Variants in L3MBTL4 observed in about 807,000 individuals in gnomAD.
L3MBTL4 encodes lethal(3)malignant brain tumor-like protein 4.
Under a neutral mutation model 84.5 loss-of-function variants are expected in L3MBTL4, and 70 were observed. The observed-to-expected ratio is 0.83, with a 90% CI of 0.68 to 1.01. L3MBTL4 has a LOEUF of 1.01. L3MBTL4 is among the 50% of genes least tolerant of loss of function. The pLI is 0.00. For synonymous variants in L3MBTL4, 274 were observed against 259.8 expected, an observed-to-expected ratio of 1.05 and a Z score of -0.52; for missense variants, 715 against 754.8, an observed-to-expected ratio of 0.95 and a Z score of 0.62.
At chr18:6,316,608 C>A (rs539101383) in intron 1 of L3MBTL4, among the ~76,000 whole-genome samples, 5 of 152,162 alleles carry the variant, frequency 3.3e-5, no homozygotes, top group African/African-American at 9.7e-5. Context: ...AGCATCCTCA[C>A]ATTAGGAGTG....
intron 16 of L3MBTL4, among the ~76,000 whole-genome samples, chr18:6,070,699 A>G (rs1357041132): frequency 6.6e-6 from 1 of 152,052 alleles, no homozygotes. Context: ...TTAGCCGGGC[A>G]TGGTGGCACA....
chr18:6,071,785 G>GAA (rs1568066890), intron 16 of L3MBTL4, among the ~76,000 whole-genome samples: 1 of 125,752 alleles, frequency 8.0e-6, no homozygotes, highest in Non-Finnish European at 1.7e-5. Flanking sequence ...AAGAAAGAAA[G>GAA]AAAGAAAGAA....
chr18:6,068,073 T>C (rs1278499577), intron 16 of L3MBTL4, among the ~76,000 whole-genome samples: 1 of 152,214 alleles, frequency 6.6e-6, no homozygotes, highest in East Asian at 1.9e-4. Context: ...CTGTAGGAGT[T>C]CCTTAAAGAG....
chr18:6,300,074 A>C (rs2050271175), intron 4 of L3MBTL4, among the ~76,000 whole-genome samples: 1 of 152,180 alleles, frequency 6.6e-6, no homozygotes, highest in Non-Finnish European at 1.5e-5. Context: ...ACTATTTCTA[A>C]GACATGAGGT....
chr18:6,244,447 T>G (rs779568984), intron 6 of L3MBTL4, 37 bp downstream of exon 6: 1 of 1,260,186 alleles, frequency 7.9e-7, no homozygotes, highest in Admixed American at 2.0e-5. Flanking sequence ...TTTCTGTCAC[T>G]AGGCAATTAG....
chr18:6,319,577 T>A (rs1332902639), intron 1 of L3MBTL4, among the ~76,000 whole-genome samples: 1 of 151,864 alleles, frequency 6.6e-6, no homozygotes, highest in Non-Finnish European at 1.5e-5. Context: ...CTAGATTAAA[T>A]CAGGAAGAAA....
At chr18:6,086,441 T>C (rs1190728445) in intron 15 of L3MBTL4, among the ~76,000 whole-genome samples, 2 of 152,180 alleles carry the variant, frequency 1.3e-5, no homozygotes, top group Non-Finnish European at 2.9e-5. Context: ...TGGCATGGCA[T>C]CCATGGGTTA....
intron 16 of L3MBTL4, among the ~76,000 whole-genome samples, chr18:6,043,081 T>A (rs1032819262): frequency 1.3e-5 from 2 of 152,172 alleles, no homozygotes; most frequent in African/African-American, 4.8e-5. Context: ...ACCCCCATTA[T>A]CCAAGTCCTG....
At chr18:6,309,775 G>A (rs148425491) in intron 3 of L3MBTL4, among the ~76,000 whole-genome samples, 40 of 152,300 alleles carry the variant, frequency 2.6e-4, no homozygotes, top group Admixed American at 7.2e-4. Context: ...ACTAAGATAG[G>A]GGGGTAACAA....
chr18:6,208,495 C>T (rs1195715793), intron 12 of L3MBTL4, among the ~76,000 whole-genome samples: 1 of 152,196 alleles, frequency 6.6e-6, no homozygotes, highest in African/African-American at 2.4e-5. Flanking sequence ...ATTAAAGCAT[C>T]TATTTGAAAT....
intron 1 of L3MBTL4, among the ~76,000 whole-genome samples, chr18:6,322,527 A>C (rs1165942348): frequency 1.3e-5 from 2 of 152,006 alleles, no homozygotes; most frequent in African/African-American, 2.4e-5. Flanking sequence ...AAAACAAACA[A>C]ACAGTATATC....
intron 1 of L3MBTL4, among the ~76,000 whole-genome samples, chr18:6,364,928 G>A (rs116699011): frequency 0.015 from 2,217 of 151,874 alleles, 57 homozygotes; most frequent in African/African-American, 0.05. Context: ...ATAGAAAAAA[G>A]ACTAGTAACC....
At chr18:6,003,022 AGT>A (rs2054283721) in intron 16 of L3MBTL4, among the ~76,000 whole-genome samples, 1 of 119,694 alleles carries the variant, frequency 8.4e-6, no homozygotes, top group African/African-American at 3.2e-5. Context: ...CCATGCAAAA[AGT>A]ATCTCTATTT....
chr18:6,191,091 G>A lies in L3MBTL4; in HGVS notation c.982-19149C>T, dbSNP rs78716667. ...AGGAAGAGAGACTAGAGGATTTTGC[G>A]TAAAGGCACAAAGATGATATGATGA... is the stretch of plus-strand genomic sequence containing the variant. On this transcript the variant is annotated intron_variant, in intron 12 of 18. Transcript: ENST00000317931. Among the ~76,000 whole-genome samples, 697 of 152,242 alleles carry A rather than the reference G, an allele frequency of 4.6e-3. 5 individuals are homozygous for A. Among genetic ancestry groups the A allele is most frequent in the African/African-American group, 0.016 (673 of 41,532 alleles).
chr18:6,138,644 C>T (rs946267738), intron 13 of L3MBTL4, among the ~76,000 whole-genome samples: 37 of 152,082 alleles, frequency 2.4e-4, no homozygotes, highest in Admixed American at 1.0e-3. Flanking sequence ...CTCTGCCTCC[C>T]GAGTTCAAGC....
chr18:6,145,864 G>T (rs2042628499), intron 13 of L3MBTL4, among the ~76,000 whole-genome samples: 1 of 152,294 alleles, frequency 6.6e-6, no homozygotes, highest in East Asian at 1.9e-4. Context: ...CTTACCTTCT[G>T]GTGCCAAAGA....
chr18:6,270,516 T>C (rs1004776627), intron 4 of L3MBTL4, among the ~76,000 whole-genome samples: 9 of 152,154 alleles, frequency 5.9e-5, no homozygotes, highest in African/African-American at 2.2e-4. Flanking sequence ...AGTGCTAATA[T>C]GCACAGTTAA....
intron 16 of L3MBTL4, among the ~76,000 whole-genome samples, chr18:6,045,341 A>G (rs1312611369): frequency 6.6e-6 from 1 of 152,236 alleles, no homozygotes; most frequent in Non-Finnish European, 1.5e-5. Context: ...CTGCTAAGGA[A>G]TTTGTTGCAT....
intron 16 of L3MBTL4, among the ~76,000 whole-genome samples, chr18:6,074,265 A>T (rs1261277106): frequency 6.6e-6 from 1 of 152,194 alleles, no homozygotes; most frequent in East Asian, 1.9e-4. Flanking sequence ...ATATGTTTAC[A>T]TTCGATTAGA....
Sources: allele counts gnomAD v4.1 joint callset (sites outside exome capture counted in the v4.1 genomes callset), GRCh38; gene constraint gnomAD v4.1.1; transcripts MANE v1.5; gene names NCBI Gene and HGNC (gene_info 2026-07-23, HGNC 2026-07-21).